The following ATG4B variants were observed in gnomAD, a reference collection of about 807,000 sequenced individuals.
The protein encoded by ATG4B is autophagy related 4B cysteine peptidase, also known as cysteine protease ATG4B.
A neutral mutation model predicts 56.6 loss-of-function variants in ATG4B; 29 were observed. The ratio of observed to expected loss-of-function variants is 0.51; its 90% CI spans 0.38 to 0.70. ATG4B has a LOEUF of 0.70. Ranked by LOEUF, ATG4B falls within the 30% of genes least tolerant of loss-of-function variation. The pLI is 0.00. For missense variants in ATG4B, 461 were observed against 515.5 expected (o/e 0.89, Z 1.02); for synonymous variants, 224 against 206.1 (o/e 1.09, Z -0.74).
At chr2:241,662,891 C>G (rs1276256708) in intron 7 of ATG4B, among the ~76,000 whole-genome samples, 1 of 150,220 alleles carries the variant, frequency 6.7e-6, no homozygotes, top group Non-Finnish European at 1.5e-5. Context: ...ACTTCAAAAT[C>G]AATAAAGCGG....
chr2:241,667,137 C>A (rs1222579674), intron 8 of ATG4B, among the ~76,000 whole-genome samples: 1 of 152,188 alleles, frequency 6.6e-6, no homozygotes, highest in Non-Finnish European at 1.5e-5. Context: ...GGAGCCCCGC[C>A]CCCTCCCGGG....
chr2:241,667,607 TA>T (rs772264425), intron 8 of ATG4B, among the ~76,000 whole-genome samples: 5,071 of 115,102 alleles, frequency 0.044, 104 homozygotes, highest in Middle Eastern at 0.11. Flanking sequence ...CCATCTCAAA[TA>T]AAAAAAAAAA....
chr2:241,668,580 A>G lies in ATG4B; in HGVS notation c.852A>G (p.Pro284=), dbSNP rs1366810290. 1.9e-6 allele frequency: 3 copies of G among 1,607,858 alleles called. No homozygotes were observed. Among genetic ancestry groups the G allele is most frequent in the South Asian group, 2.2e-5 (2 of 89,972 alleles). Residue 284 remains proline (P), a synonymous_variant, in exon 10 of 13, where the codon CCA becomes CCG. Transcript: ENST00000404914. This position sits in a 1 kb window ranked among gnomAD's most constrained non-coding sequence, Gnocchi z 4.2. The stretch of plus-strand genomic sequence containing the variant: ...ACCTGGACCCCCACACCACGCAGCC[A>G]GCCGTGGAGCCCACTGATGGCTGCT... ...LIYLDPHTTQ[P]AVEPTDGCFI...
chr2:241,670,495 G>T, intron 10 of ATG4B: 1 of 597,626 alleles, frequency 1.7e-6, no homozygotes, highest in South Asian at 2.0e-5. Flanking sequence ...GCGAATCAAG[G>T]CACAGCAACG....
chr2:241,667,954 G>A (rs2068831176), intron 8 of ATG4B, 189 bp from the exon 9 acceptor site: 2 of 580,146 alleles, frequency 3.4e-6, no homozygotes, highest in Admixed American at 3.2e-5. Flanking sequence ...TGCAGATTGG[G>A]TTTCTTGTGC....
Position 241,654,988 on chromosome 2 carries a change from C to G in ATG4B, c.386-283C>G, listed in dbSNP as rs989108965. On this transcript the variant is annotated intron_variant, in intron 5 of 12. Coordinates refer to ENST00000404914, the MANE Select transcript of ATG4B (RefSeq NM_013325.5). ...GTGGAGTGAGTAAAGAAGAGTTGGC[C>G]TTTCTTGCAAGCAAGGCCGGCTTTT... is the stretch of plus-strand genomic sequence containing the variant. 22 of 576,630 alleles carry G rather than the reference C, an allele frequency of 3.8e-5. No homozygotes were observed. The African/African-American group carries it at 4.1e-4, about 11-fold the overall frequency. 35.7% of individuals were successfully genotyped at this position (576,630 alleles called of 1,614,324 possible).
At chr2:241,663,054 C>CCCAGCCTGGTCAACATT (rs2068639601) in intron 7 of ATG4B, among the ~76,000 whole-genome samples, 1 of 151,828 alleles carries the variant, frequency 6.6e-6, no homozygotes, top group Admixed American at 6.6e-5. Flanking sequence ...TGGTCAACAT[C>CCCAGCCTGGTCAACATT]GTAAAACCCC....
intron 10 of ATG4B, among the ~76,000 whole-genome samples, chr2:241,670,410 C>A (rs1280603321): frequency 6.6e-6 from 1 of 151,948 alleles, no homozygotes; most frequent in Admixed American, 6.6e-5. Context: ...CCCACTTGGC[C>A]CTAACTCATA....
intron 6 of ATG4B, among the ~76,000 whole-genome samples, chr2:241,656,556 C>T (rs1029042842): frequency 3.9e-5 from 6 of 152,208 alleles, no homozygotes; most frequent in African/African-American, 1.4e-4. Context: ...TTCTCCTGGT[C>T]CCCTGCCTGC....
chr2:241,651,029 T>C lies in ATG4B; in HGVS notation c.30T>C (p.Thr10=). 4 of 1,613,916 alleles carry C rather than the reference T, an allele frequency of 2.5e-6. No individual in the cohort carries two copies. Among genetic ancestry groups the C allele is most frequent in the Non-Finnish European group, 3.4e-6 (4 of 1,179,846 alleles). ...CAACAGCTACTCTGACCTACGACACTCTCCGGTTTGCTGAGTTTGAAGATT... is the reference window on the plus strand; with the variant it reads ...CAACAGCTACTCTGACCTACGACACCCTCCGGTTTGCTGAGTTTGAAGATT... The part of the protein sequence containing the change: MDAATLTYD[T]LRFAEFEDFP... The change falls in exon 2 of 13, where the codon ACT becomes ACC. Residue 10 remains threonine, a synonymous_variant. Coordinates refer to ENST00000404914, the MANE Select transcript of ATG4B (RefSeq NM_013325.5). This position sits in a 1 kb window ranked among gnomAD's most constrained non-coding sequence, Gnocchi z 4.1.
intron 3 of ATG4B, 181 bp from the exon 4 acceptor site, chr2:241,653,331 C>G: frequency 6.5e-7 from 1 of 1,549,454 alleles, no homozygotes; most frequent in Non-Finnish European, 8.7e-7. Context: ...ATTTCACTCT[C>G]CAGTAAATGT....
rs763784766 is a variant in ATG4B at position 241,651,139 on chromosome 2, G to T, written c.112+28G>T. On this transcript the variant is annotated intron_variant, in intron 2 of 12. Coordinates refer to ENST00000404914, the MANE Select transcript of ATG4B (RefSeq NM_013325.5). This position sits in a 1 kb window ranked among gnomAD's most constrained non-coding sequence, Gnocchi z 4.1. ...ATCGGCCATGCTGGAGCCCACCCTG[G>T]TCTGACCGCTTGGCCTGCAGAAGCA... is the stretch of plus-strand genomic sequence containing the variant. The T allele has an allele frequency of 6.3e-7, 1 of 1,597,238 alleles. No individual in the cohort carries two copies. Among genetic ancestry groups the T allele is most frequent in the Admixed American group, 1.7e-5 (1 of 57,798 alleles).
At position 241,651,373 on chromosome 2, in the gene ATG4B, T is replaced by C; in HGVS notation, c.184+38T>C. 1.4e-6 allele frequency: 2 copies of C among 1,480,054 alleles called. No individual in the cohort carries two copies. Among genetic ancestry groups the C allele is most frequent in the East Asian group, 2.4e-5 (1 of 41,898 alleles). 91.7% of individuals were successfully genotyped at this position (1,480,054 alleles called of 1,614,324 possible). On this transcript the variant is annotated intron_variant, in intron 3 of 12. Transcript: ENST00000404914. This position sits in a 1 kb window ranked among gnomAD's most constrained non-coding sequence, Gnocchi z 4.1. ...TTTTATTACAACGCGGGACAAAATA[T>C]GTTTTTAGGAAGGAGGAAAACTTAC...
chr2:241,671,092 C>T (rs540039680), intron 11 of ATG4B, among the ~76,000 whole-genome samples: 1 of 152,330 alleles, frequency 6.6e-6, no homozygotes, highest in East Asian at 1.9e-4. Flanking sequence ...CGGCCGAGTG[C>T]GTGTGGCCCA....
intron 1 of ATG4B, chr2:241,638,490 C>T (rs1482530179): frequency 2.0e-5 from 3 of 152,128 alleles, no homozygotes; most frequent in Non-Finnish European, 4.4e-5. Context: ...CCCAGTAGCC[C>T]TAGAAATATT....
rs1054245776 is a variant in ATG4B at position 241,666,707 on chromosome 2, C to A, written c.601C>A (p.Arg201=). The A allele has an allele frequency of 6.2e-7, 1 of 1,612,852 alleles. No homozygotes were observed. Among genetic ancestry groups the A allele is most frequent in the Non-Finnish European group, 8.5e-7 (1 of 1,179,524 alleles). ...CACTGCGTTTCCTGCAGATTCCGAC[C>A]GGCACTGCAACGGATTCCCTGCCGG... ...GATAFPADSD[R]HCNGFPAGAE... The change falls in exon 8 of 13, where the codon CGG becomes AGG. Residue 201 remains arginine (R), a synonymous_variant. Coordinates refer to ENST00000404914, the MANE Select transcript of ATG4B (RefSeq NM_013325.5).
At chr2:241,665,375 G>A (rs1362333668) in intron 7 of ATG4B, among the ~76,000 whole-genome samples, 2 of 152,218 alleles carry the variant, frequency 1.3e-5, no homozygotes, top group Non-Finnish European at 2.9e-5. Context: ...GCCCCTTGCT[G>A]TCCAGGGAAC....
chr2:241,657,458 C>A lies in ATG4B; in HGVS notation c.459-1650C>A, dbSNP rs182322046. 1.3e-4 allele frequency among the ~76,000 whole-genome samples: 19 copies of A among 151,950 alleles called. No individual in the cohort carries two copies. In the East Asian group the frequency reaches 3.7e-3, roughly 29 times the overall value. ...TAGCTGGGATTATAGGCACATGCCACCATGCCCAACTAATTTTTGTATTTT... is the reference window on the plus strand; with the variant it reads ...TAGCTGGGATTATAGGCACATGCCAACATGCCCAACTAATTTTTGTATTTT... On this transcript the variant is annotated intron_variant, in intron 6 of 12. Transcript: ENST00000404914.
intron 6 of ATG4B, among the ~76,000 whole-genome samples, chr2:241,657,994 G>A (rs957829042): frequency 6.6e-6 from 1 of 152,036 alleles, no homozygotes; most frequent in South Asian, 2.1e-4. Flanking sequence ...CCTGGGTTGC[G>A]CCCCATGTCT....
Sources: gnomAD v4.1 joint callset for allele counts (sites outside exome capture counted in the v4.1 genomes callset) on GRCh38, gnomAD v4.1.1 for gene constraint, Gnocchi (gnomAD v3.1) non-coding constraint, MANE v1.5 for transcripts, NCBI Gene and HGNC (gene_info 2026-07-23, HGNC 2026-07-21) for gene names.